IFNA17: variants seen among roughly 807,000 people sequenced by gnomAD.
The protein encoded by IFNA17 is interferon alpha 17, also known as interferon alpha-17.
For synonymous variants in IFNA17, 107 were observed against 80.5 expected, an observed-to-expected ratio of 1.33 and a Z score of -1.76; for missense variants, 285 against 212.7, an observed-to-expected ratio of 1.34 and a Z score of -2.11.
At position 21,227,632 on chromosome 9, in the gene IFNA17, A is replaced by C. The variant is rs1364340283; in HGVS notation, c.542T>G (p.Leu181Trp). ...ATCCTTCCTCCTTAATATTTTTTGC[A>C]AGTTTGTTGAAAAAGAGAGAGATCT... Reference protein sequence around the residue: ...IMRSLSFSTNLQKILRRKD With the variant: ...IMRSLSFSTNWQKILRRKD Residue 181 changes from leucine to tryptophan, a missense_variant, in exon 1 of 1, where the codon TTG becomes TGG. Coordinates refer to ENST00000413767, the MANE Select transcript of IFNA17 (RefSeq NM_021268.2). The C allele has an allele frequency of 6.2e-7, 1 of 1,611,122 alleles. No homozygotes were observed. The highest frequency in any genetic ancestry group is 8.5e-7 in the Non-Finnish European group (1 of 1,179,440).
rs141849715 is a variant in IFNA17 at position 21,227,822 on chromosome 9, T to A, written c.352A>T (p.Asn118Tyr). The change falls in exon 1 of 1, where the codon AAC (asparagine) becomes TAC (tyrosine). Residue 118 changes from asparagine (N) to tyrosine (Y), a missense_variant. Transcript: ENST00000413767. ...FSTELYQQLNNLEACVIQEVG... is the reference protein window; with the variant it reads ...FSTELYQQLNYLEACVIQEVG... Reference sequence around the variant, plus strand: ...TCCTGTATCACACATGCTTCCAGGTTATTCAGTTGCTGGTAAAGTTCAGTG... The same window carrying A: ...TCCTGTATCACACATGCTTCCAGGTAATTCAGTTGCTGGTAAAGTTCAGTG... The A allele has an allele frequency of 1.2e-6, 2 of 1,613,414 alleles. No individual in the cohort carries two copies. The highest frequency in any genetic ancestry group is 1.7e-6 in the Non-Finnish European group (2 of 1,179,812).
In IFNA17 at chr9:21,228,215, C is replaced by A. The variant is rs188761362; in HGVS notation, c.-42G>T. On this transcript the variant is annotated 5_prime_UTR_variant, in exon 1 of 1. Coordinates refer to ENST00000413767, the MANE Select transcript of IFNA17 (RefSeq NM_021268.2). ...TTGCTAGGCTACTTGAGATGGGTAA[C>A]CTTGAACTTTGGCCTCTAGGTTTTC... 8.9e-6 allele frequency: 14 copies of A among 1,576,530 alleles called. No homozygotes were observed. The African/African-American group carries it at 1.2e-4, about 14-fold the overall frequency.
Position 21,227,299 on chromosome 9 carries a change from A to T in IFNA17, c.*305T>A, listed in dbSNP as rs1259140219. ...AATATATTGGCTAAATATGAAGAAC[A>T]TATATTGTTACATTCACCACAATGT... is the stretch of plus-strand genomic sequence containing the variant. On this transcript the variant is annotated 3_prime_UTR_variant, in exon 1 of 1. Coordinates refer to ENST00000413767, the MANE Select transcript of IFNA17 (RefSeq NM_021268.2). The T allele has an allele frequency of 1.3e-5, 2 of 159,912 alleles. No homozygotes were observed. The highest frequency in any genetic ancestry group is 4.8e-5 in the African/African-American group (2 of 41,668). The allele number at this position is 159,912 out of a possible 1,614,324, so 9.9% of individuals were successfully genotyped here.
chr9:21,227,666 C>T lies in IFNA17; in HGVS notation c.508G>A (p.Glu170Lys). Residue 170 changes from glutamate (E) to lysine (K), a missense_variant, in exon 1 of 1, where the codon GAA becomes AAA. Physicochemically the swap from Glu to Lys is moderately conservative, Grantham distance 56. Transcript: ENST00000413767. ...GAAAAAGAGAGAGATCTCATGATTTCTGCTCTGACAACCTCCCAGGCACAA... is the reference window on the plus strand; with the variant it reads ...GAAAAAGAGAGAGATCTCATGATTTTTGCTCTGACAACCTCCCAGGCACAA... The part of the protein sequence containing the change: ...SPCAWEVVRA[E>K]IMRSLSFSTN... The T allele has an allele frequency of 6.2e-7, 1 of 1,613,634 alleles. No individual in the cohort carries two copies. Among genetic ancestry groups the T allele is most frequent in the Non-Finnish European group, 8.5e-7 (1 of 1,179,904 alleles).
chr9:21,227,416 C>T lies in IFNA17; in HGVS notation c.*188G>A, dbSNP rs992552671. Reference sequence around the variant, plus strand: ...ATAAATAGATGAACAGAGACATCAGCATGGTCATCTGTAAAGTACTAGTGC... The same window carrying T: ...ATAAATAGATGAACAGAGACATCAGTATGGTCATCTGTAAAGTACTAGTGC... On this transcript the variant is annotated 3_prime_UTR_variant, in exon 1 of 1. Transcript: ENST00000413767. 3 of 570,872 alleles carry T rather than the reference C, an allele frequency of 5.3e-6. No homozygotes were observed. Among genetic ancestry groups the T allele is most frequent in the African/African-American group, 3.8e-5 (2 of 52,020 alleles). 35.4% of individuals were successfully genotyped at this position (570,872 alleles called of 1,614,324 possible).
Position 21,227,421 on chromosome 9 carries a change from T to C in IFNA17, c.*183A>G. 1 of 606,474 alleles carries C rather than the reference T, an allele frequency of 1.6e-6. No homozygotes were observed. Among genetic ancestry groups the C allele is most frequent in the Non-Finnish European group, 2.7e-6 (1 of 376,304 alleles). The allele number at this position is 606,474 out of a possible 1,614,324, so 37.6% of individuals were successfully genotyped here. A position where few individuals can be genotyped will look rare whatever the true frequency, so the allele number is the denominator to read the frequency against. ...TAGATGAACAGAGACATCAGCATGGTCATCTGTAAAGTACTAGTGCCTGCA... is the reference window on the plus strand; with the variant it reads ...TAGATGAACAGAGACATCAGCATGGCCATCTGTAAAGTACTAGTGCCTGCA... On this transcript the variant is annotated 3_prime_UTR_variant, in exon 1 of 1. Transcript: ENST00000413767.
rs759906993 is a variant in IFNA17, at chr9:21,228,072, A to G, written c.102T>C (p.Asn34=). 3.7e-6 allele frequency: 6 copies of G among 1,614,128 alleles called. No individual in the cohort carries two copies. Among genetic ancestry groups the G allele is most frequent in the Non-Finnish European group, 5.1e-6 (6 of 1,180,024 alleles). Residue 34 remains asparagine (N), a synonymous_variant, in exon 1 of 1, where the codon AAT becomes AAC. Coordinates refer to ENST00000413767, the MANE Select transcript of IFNA17 (RefSeq NM_021268.2). The part of the protein sequence containing the change: ...CDLPQTHSLG[N]RRALILLAQM... ...GTGCCAGGAGTATCAAGGCCCTCCTATTACCCAGGCTGTGGGTCTGAGGCA... is the reference window on the plus strand; with the variant it reads ...GTGCCAGGAGTATCAAGGCCCTCCTGTTACCCAGGCTGTGGGTCTGAGGCA...
rs754268139 is a variant in IFNA17, at chr9:21,227,646, A to T, written c.528T>A (p.Ser176=). The change falls in exon 1 of 1, where the codon TCT becomes TCA. Residue 176 remains serine (S), a synonymous_variant. Transcript: ENST00000413767. ...ATATTTTTTGCAAGTTTGTTGAAAA[A>T]GAGAGAGATCTCATGATTTCTGCTC... ...VVRAEIMRSL[S]FSTNLQKILR... 6.2e-7 allele frequency: 1 copy of T among 1,612,186 alleles called. No individual in the cohort carries two copies. The highest frequency in any genetic ancestry group is 2.2e-5 in the East Asian group (1 of 44,840).
In IFNA17 at chr9:21,227,979, C is replaced by T; in HGVS notation, c.195G>A (p.Glu65=). Residue 65 remains glutamate, a synonymous_variant, in exon 1 of 1, where the codon GAG becomes GAA. Transcript: ENST00000413767. ...TCTTCTGGAACTGGTTGCCATCAAA[C>T]TCCTCCTGGGGAAGTCCAAAGTCAT... is the stretch of plus-strand genomic sequence containing the variant. ...DRHDFGLPQE[E]FDGNQFQKTQ... 4 of 1,613,998 alleles carry T rather than the reference C, an allele frequency of 2.5e-6. No homozygotes were observed. The highest frequency in any genetic ancestry group is 2.5e-6 in the Non-Finnish European group (3 of 1,179,978).
chr9:21,227,795 C>G lies in IFNA17; in HGVS notation c.379G>C (p.Val127Leu), dbSNP rs531649810. 3.7e-6 allele frequency: 6 copies of G among 1,613,944 alleles called. No individual in the cohort carries two copies. In the East Asian group the frequency reaches 1.3e-4, roughly 36 times the overall value. ...NNLEACVIQE[V>L]GMEETPLMNE... ...ATCAGGGGAGTCTCTTCCATCCCAA[C>G]CTCCTGTATCACACATGCTTCCAGG... Residue 127 changes from valine to leucine, a missense_variant, in exon 1 of 1, where the codon GTT (valine) becomes CTT (leucine). Physicochemically the swap from Val to Leu is conservative, Grantham distance 32. Transcript: ENST00000413767.
Position 21,227,730 on chromosome 9 carries a change from T to C in IFNA17, c.444A>G (p.Gln148=). The part of the protein sequence containing the change: ...DSILAVRKYF[Q]RITLYLTEKK... ...TCTCTGTTAGATAAAGAGTGATTCT[T>C]TGGAAGTATTTCCTCACAGCCAGGA... Residue 148 remains glutamine, a synonymous_variant, in exon 1 of 1, where the codon CAA becomes CAG. Transcript: ENST00000413767. 1 of 1,614,038 alleles carries C rather than the reference T, an allele frequency of 6.2e-7. No individual in the cohort carries two copies. The highest frequency in any genetic ancestry group is 8.5e-7 in the Non-Finnish European group (1 of 1,179,952).
chr9:21,227,527 C>G lies in IFNA17; in HGVS notation c.*77G>C. ...ACTCGTGGTGGTTATAGAAGTGAGT[C>G]TTTGAAATGGAGGAACTCATGAAAG... On this transcript the variant is annotated 3_prime_UTR_variant, in exon 1 of 1. Coordinates refer to ENST00000413767, the MANE Select transcript of IFNA17 (RefSeq NM_021268.2). 6.3e-7 allele frequency: 1 copy of G among 1,579,406 alleles called. No homozygotes were observed. The highest frequency in any genetic ancestry group is 8.6e-7 in the Non-Finnish European group (1 of 1,166,734).
At position 21,228,097 on chromosome 9, in the gene IFNA17, A is replaced by T; in HGVS notation, c.77T>A (p.Leu26Gln). 6.2e-7 allele frequency: 1 copy of T among 1,614,142 alleles called. No individual in the cohort carries two copies. Among genetic ancestry groups the T allele is most frequent in the South Asian group, 1.1e-5 (1 of 91,078 alleles). Residue 26 changes from leucine (L) to glutamine (Q), a missense_variant, in exon 1 of 1, where the codon CTG becomes CAG. Physicochemically the swap from Leu to Gln is moderately radical, Grantham distance 113 (BLOSUM62 -2). Coordinates refer to ENST00000413767, the MANE Select transcript of IFNA17 (RefSeq NM_021268.2). Reference protein sequence around the residue: ...YKSICSLGCDLPQTHSLGNRR... With the variant: ...YKSICSLGCDQPQTHSLGNRR... ...ATTACCCAGGCTGTGGGTCTGAGGC[A>T]GATCACAGCCTAGAGAACAGATGGA...
Position 21,227,760 on chromosome 9 carries a change from G to A in IFNA17, c.414C>T (p.Asp138=), listed in dbSNP as rs1158494137. The A allele has an allele frequency of 6.2e-7, 1 of 1,614,052 alleles. No individual in the cohort carries two copies. The highest frequency in any genetic ancestry group is 8.5e-7 in the Non-Finnish European group (1 of 1,179,974). ...GMEETPLMNE[D]SILAVRKYFQ... is the part of the protein sequence containing the mutation. Reference sequence around the variant, plus strand: ...AGTATTTCCTCACAGCCAGGATGGAGTCCTCATTCATCAGGGGAGTCTCTT... The same window carrying A: ...AGTATTTCCTCACAGCCAGGATGGAATCCTCATTCATCAGGGGAGTCTCTT... The change falls in exon 1 of 1, where the codon GAC becomes GAT. Residue 138 remains aspartate, a synonymous_variant. Transcript: ENST00000413767.
Position 21,227,724 on chromosome 9 carries a change from G to A in IFNA17, c.450C>T (p.Ile150=). 6.2e-7 allele frequency: 1 copy of A among 1,613,986 alleles called. No homozygotes were observed. Residue 150 remains isoleucine, a synonymous_variant, in exon 1 of 1, where the codon ATC becomes ATT. Coordinates refer to ENST00000413767, the MANE Select transcript of IFNA17 (RefSeq NM_021268.2). ...ILAVRKYFQR[I]TLYLTEKKYS... is the part of the protein sequence containing the mutation. ...ATTTCTTCTCTGTTAGATAAAGAGT[G>A]ATTCTTTGGAAGTATTTCCTCACAG...
rs1235461956 is a variant in IFNA17, at chr9:21,227,316, C to T, written c.*288G>A. 6 of 165,866 alleles carry T rather than the reference C, an allele frequency of 3.6e-5. No individual in the cohort carries two copies. The allele number at this position is 165,866 out of a possible 1,614,324, so 10.3% of individuals were successfully genotyped here. A position where few individuals can be genotyped will look rare whatever the true frequency, so the allele number is the denominator to read the frequency against. On this transcript the variant is annotated 3_prime_UTR_variant, in exon 1 of 1. Coordinates refer to ENST00000413767, the MANE Select transcript of IFNA17 (RefSeq NM_021268.2). ...TGAAGAACATATATTGTTACATTCA[C>T]CACAATGTAAAGGTACACATGATAT...
chr9:21,227,488 A>G lies in IFNA17; in HGVS notation c.*116T>C, dbSNP rs183478001. ...TTCTTTACACTGCTGAAAACATTTG[A>G]AAATTTTGATTCAACTCGTGGTGGT... On this transcript the variant is annotated 3_prime_UTR_variant, in exon 1 of 1. Coordinates refer to ENST00000413767, the MANE Select transcript of IFNA17 (RefSeq NM_021268.2). The G allele has an allele frequency of 2.3e-3, 3,439 of 1,506,606 alleles. 87 individuals are homozygous for G. In the African/African-American group the frequency reaches 0.042, roughly 19 times the overall value. 93.3% of individuals were successfully genotyped at this position (1,506,606 alleles called of 1,614,324 possible).
At position 21,227,311 on chromosome 9, in the gene IFNA17, A is replaced by T. The variant is rs1818637392; in HGVS notation, c.*293T>A. 1 of 164,474 alleles carries T rather than the reference A, an allele frequency of 6.1e-6. No individual in the cohort carries two copies. 10.2% of individuals were successfully genotyped at this position (164,474 alleles called of 1,614,324 possible). A position where few individuals can be genotyped will look rare whatever the true frequency, so the allele number is the denominator to read the frequency against. The stretch of plus-strand genomic sequence containing the variant: ...AAATATGAAGAACATATATTGTTAC[A>T]TTCACCACAATGTAAAGGTACACAT... On this transcript the variant is annotated 3_prime_UTR_variant, in exon 1 of 1. Coordinates refer to ENST00000413767, the MANE Select transcript of IFNA17 (RefSeq NM_021268.2).
Position 21,228,109 on chromosome 9 carries a change from A to G in IFNA17, c.65T>C (p.Leu22Pro). The change falls in exon 1 of 1, where the codon CTA becomes CCA. Residue 22 changes from leucine to proline, a missense_variant. Transcript: ENST00000413767. ...GTGGGTCTGAGGCAGATCACAGCCT[A>G]GAGAACAGATGGATTTGTAGCTGAG... is the stretch of plus-strand genomic sequence containing the variant. ...LVLSYKSICS[L>P]GCDLPQTHSL... 4 of 1,614,088 alleles carry G rather than the reference A, an allele frequency of 2.5e-6. No homozygotes were observed. Among genetic ancestry groups the G allele is most frequent in the Non-Finnish European group, 3.4e-6 (4 of 1,180,000 alleles).
Sources: gnomAD v4.1 joint callset for allele counts on GRCh38, gnomAD v4.1.1 for gene constraint, MANE v1.5 for transcripts, NCBI Gene and HGNC (gene_info 2026-07-23, HGNC 2026-07-21) for gene names.